Variants in C4orf50 observed in about 807,000 individuals in gnomAD.
C4orf50 encodes the protein uncharacterized protein C4orf50.
A neutral mutation model predicts 77.2 loss-of-function variants in C4orf50; 80 were observed. The observed-to-expected ratio is 1.04, with a 90% CI of 0.87 to 1.25. The LOEUF (loss-of-function observed/expected upper bound fraction) is 1.25, where lower values mean the gene tolerates loss of function less well. C4orf50 is among the 50% of genes most tolerant of loss of function. C4orf50 has a pLI of 0.00. For missense variants in C4orf50, 1,257 were observed against 1,152.9 expected (o/e 1.09, Z -1.31); for synonymous variants, 532 against 465.3 (o/e 1.14, Z -1.84).
intron 7 of C4orf50, among the ~76,000 whole-genome samples, chr4:5,945,808 CCT>C (rs1718455910): frequency 1.3e-5 from 2 of 152,180 alleles, no homozygotes; most frequent in African/African-American, 4.8e-5. Flanking sequence ...GGGCATCTGC[CCT>C]CTGTGTTTTC....
rs930600958 is a variant in C4orf50 at position 5,901,045 on chromosome 4, A to G, written c.*2475-2857T>C. ...TGTCCCCACTGCCGCCACACCTCCG[A>G]CATACCTATTTTAAGAACAGTGCCT... is the stretch of plus-strand genomic sequence containing the variant. On this transcript the variant is annotated intron_variant, in intron 7 of 7. Transcript: ENST00000324058. The surrounding 1 kb of genome is among the most constrained non-coding windows in gnomAD (Gnocchi z 4.4). The G allele has an allele frequency of 8.5e-5, 13 of 152,216 alleles. No homozygotes were observed. Among genetic ancestry groups the G allele is most frequent in the Admixed American group, 3.9e-4 (6 of 15,284 alleles). 9.4% of individuals were successfully genotyped at this position (152,216 alleles called of 1,614,324 possible).
intron 30 of C4orf50, among the ~76,000 whole-genome samples, chr4:5,975,515 GT>G (rs1720224207): frequency 6.6e-6 from 1 of 151,776 alleles, no homozygotes; most frequent in African/African-American, 2.4e-5. Context: ...GTTTTGTTTT[GT>G]TTTGTTTTGT....
rs896447430 is a variant in C4orf50 at position 6,009,965 on chromosome 4, A to G, written c.427-1433T>C. Among the ~76,000 whole-genome samples, 3 of 152,118 alleles carry G rather than the reference A, an allele frequency of 2.0e-5. No homozygotes were observed. Among genetic ancestry groups the G allele is most frequent in the Non-Finnish European group, 4.4e-5 (3 of 68,016 alleles). The stretch of plus-strand genomic sequence containing the variant: ...CACATGAGACAGATTTAATAAGACG[A>G]CGCGTGTAGAAAAGGGCTTAGTGTT... On this transcript the variant is annotated intron_variant, in intron 24 of 33. Coordinates refer to ENST00000531445, the Ensembl canonical transcript of C4orf50. The surrounding 1 kb of genome is among the most constrained non-coding windows in gnomAD (Gnocchi z 5.6).
intron 7 of C4orf50, among the ~76,000 whole-genome samples, chr4:5,940,794 C>T (rs568224076): frequency 5.7e-4 from 87 of 152,310 alleles, no homozygotes; most frequent in African/African-American, 2.0e-3. Context: ...GACCTTGAAG[C>T]TCCTGCTCTC....
chr4:6,003,665 GTGATGGTGATGATAGTGA>G (rs1183457840), intron 25 of C4orf50, among the ~76,000 whole-genome samples: 4,145 of 146,360 alleles, frequency 0.028, 75 homozygotes, highest in Non-Finnish European at 0.031. Flanking sequence ...GGTGATGATG[GTGATGGTGATGATAGTGA>G]TGATGGTGAT....
intron 23 of C4orf50, among the ~76,000 whole-genome samples, chr4:6,016,762 C>T (rs894067012): frequency 6.6e-6 from 1 of 152,024 alleles, no homozygotes; most frequent in African/African-American, 2.4e-5. Flanking sequence ...CATAGAGTAA[C>T]AGAAGAATTT....
chr4:5,937,986 T>A lies in C4orf50; in HGVS notation c.*2474+18915A>T, dbSNP rs368430241. Among the ~76,000 whole-genome samples the A allele has an allele frequency of 7.2e-5, 11 of 152,296 alleles. No individual in the cohort carries two copies. The East Asian group carries it at 1.5e-3, about 21-fold the overall frequency. ...CGCCATAGTTGGGTATTTAAACACA[T>A]CTTCCTCAGAACTTGACAGATCAAG... On this transcript the variant is annotated intron_variant, in intron 7 of 7. Transcript: ENST00000324058.
intron 28 of C4orf50, among the ~76,000 whole-genome samples, chr4:5,987,167 T>A (rs917721128): frequency 2.0e-5 from 3 of 151,648 alleles, no homozygotes; most frequent in Non-Finnish European, 4.4e-5. Context: ...TCCTAGCACT[T>A]TGGGAGGCCT....
chr4:5,959,551 C>T (rs758974747), exon 34 of C4orf50: 29 of 1,613,972 alleles, frequency 1.8e-5, no homozygotes, highest in Admixed American at 8.3e-5. Flanking sequence ...AGACGTTGTG[C>T]GGGGAGACCT....
At chr4:5,995,453 G>T (rs988074139) in intron 25 of C4orf50, among the ~76,000 whole-genome samples, 8 of 149,570 alleles carry the variant, frequency 5.3e-5, no homozygotes, top group Admixed American at 2.0e-4. Context: ...CCCTGCCACA[G>T]GGGAGAGGCT....
At chr4:5,965,120 T>C in exon 33 of C4orf50, 1 of 1,613,172 alleles carries the variant, frequency 6.2e-7, no homozygotes, top group Non-Finnish European at 8.5e-7. Flanking sequence ...CACTGTCCAT[T>C]TCAGGATTCA....
intron 7 of C4orf50, among the ~76,000 whole-genome samples, chr4:5,924,073 G>A (rs536671210): frequency 9.2e-5 from 14 of 152,256 alleles, no homozygotes; most frequent in African/African-American, 2.2e-4. Flanking sequence ...AGGGGCTCTC[G>A]GGCCTTGGGC....
At chr4:5,975,271 T>A (rs1720202449) in intron 30 of C4orf50, among the ~76,000 whole-genome samples, 1 of 151,440 alleles carries the variant, frequency 6.6e-6, no homozygotes, top group Non-Finnish European at 1.5e-5. Flanking sequence ...GTGGTGATTT[T>A]ATGGACCAAG....
intron 7 of C4orf50, among the ~76,000 whole-genome samples, chr4:5,940,814 A>G (rs1398624438): frequency 6.6e-6 from 1 of 152,198 alleles, no homozygotes; most frequent in African/African-American, 2.4e-5. Flanking sequence ...CTCTTTTGGA[A>G]CCATGCCTTT....
chr4:5,910,843 G>GCAC (rs1716771953), intron 7 of C4orf50, among the ~76,000 whole-genome samples: 3 of 151,514 alleles, frequency 2.0e-5, no homozygotes, highest in African/African-American at 7.3e-5. Flanking sequence ...TTTGAAAGTA[G>GCAC]CACCATGTCC....
chr4:5,923,925 G>C (rs1012955634), intron 7 of C4orf50, among the ~76,000 whole-genome samples: 15 of 152,180 alleles, frequency 9.9e-5, no homozygotes, highest in African/African-American at 3.6e-4. Flanking sequence ...AATAAAGCAG[G>C]CAGGAGAAGA....
At position 6,012,743 on chromosome 4, in the gene C4orf50, C is replaced by T. The variant is rs540450928; in HGVS notation, c.288-775G>A. Among the ~76,000 whole-genome samples, 20 of 152,172 alleles carry T rather than the reference C, an allele frequency of 1.3e-4. 1 individual carries two copies. The South Asian group carries it at 3.3e-3, about 25-fold the overall frequency. On this transcript the variant is annotated intron_variant, in intron 23 of 33. Transcript: ENST00000531445. Reference sequence around the variant, plus strand: ...TGTGGGAGGGAGACACACGCAGGGTCGGGGGAGAAAGTCCGAAAAGAAAGC... The same window carrying T: ...TGTGGGAGGGAGACACACGCAGGGTTGGGGGAGAAAGTCCGAAAAGAAAGC...
intron 25 of C4orf50, among the ~76,000 whole-genome samples, chr4:6,005,991 T>G (rs72616115): frequency 0.36 from 54,210 of 152,082 alleles, 10,728 homozygotes; most frequent in East Asian, 0.83. Context: ...ACAGAGAGAA[T>G]TTTAAATGAC....
chr4:5,927,530 G>C (rs1045004110), intron 7 of C4orf50, among the ~76,000 whole-genome samples: 1 of 151,932 alleles, frequency 6.6e-6, no homozygotes, highest in African/African-American at 2.4e-5. Flanking sequence ...GAGGTGATTA[G>C]ATCATGGGGG....
Sources: gnomAD v4.1 joint callset for allele counts (sites outside exome capture counted in the v4.1 genomes callset) on GRCh38, gnomAD v4.1.1 for gene constraint, Gnocchi (gnomAD v3.1) non-coding constraint, MANE v1.5 for transcripts, NCBI Gene and HGNC (gene_info 2026-07-23, HGNC 2026-07-21) for gene names.